ALK: variants seen among roughly 807,000 people sequenced by gnomAD.
ALK encodes ALK tyrosine kinase receptor.
Under a neutral mutation model 163.1 loss-of-function variants are expected in ALK, and 74 were observed. The ratio of observed to expected loss-of-function variants is 0.45; its 90% CI spans 0.38 to 0.55. The LOEUF is 0.55. Ranked by LOEUF, ALK falls within the 20% of genes least tolerant of loss-of-function variation. The pLI is 0.00. For missense variants in ALK, 2,063 were observed against 2,105.3 expected (o/e 0.98, Z 0.39); for synonymous variants, 960 against 843.2 (o/e 1.14, Z -2.40).
chr2:29,920,543 C>A lies in ALK; in HGVS notation c.117G>T (p.Gln39His). The A allele has an allele frequency of 6.2e-7, 1 of 1,607,552 alleles. No individual in the cohort carries two copies. Among genetic ancestry groups the A allele is most frequent in the Non-Finnish European group, 8.5e-7 (1 of 1,178,152 alleles). ...GCGAGTAGCTGAGTGGCTCCCGGGG[C>A]TGCAGCGGCGGCCCCGCAGCTGGGG... ...AGSPAAGPPLQPREPLSYSRL... is the reference protein window; with the variant it reads ...AGSPAAGPPLHPREPLSYSRL... Residue 39 changes from glutamine (Q) to histidine (H), a missense_variant, in exon 1 of 29, where the codon CAG (glutamine) becomes CAT (histidine). By Grantham distance (24) the Gln-to-His change is conservative. This residue lies in a region of ALK where 987 missense variants were observed against 939.5 expected (regional missense o/e 1.05). Coordinates refer to ENST00000389048, the MANE Select transcript of ALK (RefSeq NM_004304.5).
At chr2:29,196,959 C>T (rs1013982638) in intron 27 of ALK, 99 bp from the exon 28 acceptor site, 6 of 981,062 alleles carry the variant, frequency 6.1e-6, no homozygotes, top group East Asian at 2.5e-5. Context: ...GTTGAGGGTG[C>T]GAACTCGTCT....
intron 25 of ALK, among the ~76,000 whole-genome samples, chr2:29,207,649 A>T (rs910338978): frequency 6.6e-6 from 1 of 152,242 alleles, no homozygotes; most frequent in Non-Finnish European, 1.5e-5. Flanking sequence ...GCAAGATCCA[A>T]AATGGGAGAA....
intron 3 of ALK, among the ~76,000 whole-genome samples, chr2:29,623,133 G>A (rs181864720): frequency 1.3e-5 from 2 of 152,194 alleles, no homozygotes; most frequent in Non-Finnish European, 2.9e-5. Context: ...TTGATTCAAG[G>A]TTCTTGGAAA....
At chr2:29,718,260 G>A (rs1679320535) in intron 1 of ALK, among the ~76,000 whole-genome samples, 1 of 152,140 alleles carries the variant, frequency 6.6e-6, no homozygotes. Flanking sequence ...AAAGCCAAAA[G>A]GATTAATGTT....
At chr2:29,717,433 G>A (rs1679293198) in intron 2 of ALK, 145 bp downstream of exon 2, 14 of 965,530 alleles carry the variant, frequency 1.4e-5, no homozygotes, top group Non-Finnish European at 2.3e-5. Flanking sequence ...GTCACTGGGA[G>A]ACAGAGGGCT....
chr2:29,811,626 C>T (rs1442935704), intron 1 of ALK, among the ~76,000 whole-genome samples: 1 of 152,136 alleles, frequency 6.6e-6, no homozygotes, highest in Non-Finnish European at 1.5e-5. Context: ...TGATTTCATG[C>T]CAAAGGCATG....
At chr2:29,474,770 G>A (rs753846532) in intron 4 of ALK, among the ~76,000 whole-genome samples, 1 of 152,156 alleles carries the variant, frequency 6.6e-6, no homozygotes, top group South Asian at 2.1e-4. Flanking sequence ...TTGGATTTGG[G>A]GAGGTTTAGT....
chr2:29,493,779 T>C (rs1671958143), intron 4 of ALK, among the ~76,000 whole-genome samples: 1 of 152,214 alleles, frequency 6.6e-6, no homozygotes, highest in South Asian at 2.1e-4. Context: ...GAGAGCACTT[T>C]GGAAGCAGGT....
chr2:29,645,824 C>T (rs1676856702), intron 3 of ALK, among the ~76,000 whole-genome samples: 1 of 152,112 alleles, frequency 6.6e-6, no homozygotes, highest in South Asian at 2.1e-4. Context: ...TCTTGGTTTT[C>T]CTCCTACCTC....
intron 5 of ALK, among the ~76,000 whole-genome samples, chr2:29,335,965 G>A (rs971246229): frequency 2.6e-5 from 4 of 152,206 alleles, no homozygotes; most frequent in Admixed American, 1.3e-4. Context: ...CCTTGAACCT[G>A]GGAGGCGGAG....
intron 4 of ALK, among the ~76,000 whole-genome samples, chr2:29,464,251 G>C (rs66867204): frequency 4.6e-5 from 7 of 152,008 alleles, no homozygotes; most frequent in African/African-American, 1.7e-4. Flanking sequence ...AAGTCAAAGC[G>C]ATAATAGAAT....
chr2:29,212,740 C>T (rs1416104512), intron 24 of ALK, among the ~76,000 whole-genome samples: 1 of 124,964 alleles, frequency 8.0e-6, no homozygotes, highest in African/African-American at 2.6e-5. Flanking sequence ...CAGTTTTGCT[C>T]TTGTTGCCCA....
intron 1 of ALK, among the ~76,000 whole-genome samples, chr2:29,898,975 C>CT (rs972229506): frequency 1.2e-4 from 19 of 152,242 alleles, no homozygotes; most frequent in Admixed American, 7.2e-4. Flanking sequence ...AGAGCCTCTG[C>CT]TTTTTTTCAG....
At chr2:29,641,325 C>A (rs1045017950) in intron 3 of ALK, among the ~76,000 whole-genome samples, 1 of 151,842 alleles carries the variant, frequency 6.6e-6, no homozygotes, top group Admixed American at 6.6e-5. Context: ...GAGGTGGGGG[C>A]GGCAAGAGTC....
intron 4 of ALK, among the ~76,000 whole-genome samples, chr2:29,448,244 T>C (rs1670736977): frequency 6.6e-6 from 1 of 152,194 alleles, no homozygotes; most frequent in Non-Finnish European, 1.5e-5. Flanking sequence ...CTTTTTGATT[T>C]TCCAGGGAGC....
intron 3 of ALK, among the ~76,000 whole-genome samples, chr2:29,675,528 C>T (rs528797461): frequency 2.4e-4 from 36 of 152,060 alleles, no homozygotes; most frequent in Non-Finnish European, 4.6e-4. Flanking sequence ...GGGGGAGGTC[C>T]GAACCCTCAG....
In ALK at chr2:29,434,139, G is replaced by A. The variant is rs971004427; in HGVS notation, c.1155-50280C>T. Reference sequence around the variant, plus strand: ...CTTGCACCTGTACCAGAATATTTACGGTATTATCCTTGGTTGGAAAGGGAA... The same window carrying A: ...CTTGCACCTGTACCAGAATATTTACAGTATTATCCTTGGTTGGAAAGGGAA... On this transcript the variant is annotated intron_variant, in intron 4 of 28. Transcript: ENST00000389048. Among the ~76,000 whole-genome samples the A allele has an allele frequency of 5.9e-5, 9 of 151,990 alleles. No homozygotes were observed. In the East Asian group the frequency reaches 1.3e-3, roughly 23 times the overall value.
chr2:29,523,858 G>GTCTTTTTTT lies in ALK; in HGVS notation c.1154+8056_1154+8057insAAAAAAAGA, dbSNP rs1672879628. 6.3e-5 allele frequency among the ~76,000 whole-genome samples: 7 copies of GTCTTTTTTT among 110,950 alleles called. 3 individuals are homozygous for GTCTTTTTTT. The allele number at this position is 110,950 out of a possible 152,430, so 72.8% of individuals were successfully genotyped here. On this transcript the variant is annotated intron_variant, in intron 4 of 28. Transcript: ENST00000389048. The stretch of plus-strand genomic sequence containing the variant: ...AGGTCAGAACTGGCAGAAGCTGAAG[G>GTCTTTTTTT]TTTTTTTTTTTTTTTTTTTTTTTTT...
intron 4 of ALK, among the ~76,000 whole-genome samples, chr2:29,447,774 C>T (rs904195595): frequency 6.6e-6 from 1 of 152,120 alleles, no homozygotes; most frequent in African/African-American, 2.4e-5. Context: ...ACCAGAAACC[C>T]ACGCACACAT....
Sources: gnomAD v4.1 joint callset for allele counts (sites outside exome capture counted in the v4.1 genomes callset) on GRCh38, gnomAD v4.1.1 for gene constraint, gnomAD v4.1.1 regional missense constraint, MANE v1.5 for transcripts, NCBI Gene and HGNC (gene_info 2026-07-23, HGNC 2026-07-21) for gene names.